The following IGF1R variants were observed in gnomAD, a reference collection of about 807,000 sequenced individuals.
IGF1R encodes insulin-like growth factor 1 receptor.
IGF1R carries 44 observed loss-of-function variants against 144.6 expected under a neutral mutation model. The observed-to-expected ratio is 0.30, with a 90% CI of 0.24 to 0.39. The LOEUF (loss-of-function observed/expected upper bound fraction) is 0.39, where lower values mean the gene tolerates loss of function less well. IGF1R is among the 10% of genes least tolerant of loss of function. IGF1R has a pLI of 1.00. For synonymous variants in IGF1R, 795 were observed against 722.8 expected, an observed-to-expected ratio of 1.10 and a Z score of -1.60; for missense variants, 1,355 against 1,833.7, an observed-to-expected ratio of 0.74 and a Z score of 4.77.
intron 1 of IGF1R, among the ~76,000 whole-genome samples, chr15:98,698,337 G>A (rs531958137): frequency 1.1e-4 from 17 of 152,252 alleles, no homozygotes; most frequent in African/African-American, 3.9e-4. Context: ...ACGCCCACCG[G>A]CCTCCCATCT....
At chr15:98,710,380 TCC>T (rs1308659991) in intron 2 of IGF1R, among the ~76,000 whole-genome samples, 20 of 152,316 alleles carry the variant, frequency 1.3e-4, no homozygotes, top group African/African-American at 4.8e-5. Flanking sequence ...AATCAGAACT[TCC>T]TCTTGGTTTG....
At chr15:98,699,816 C>T (rs2053682452) in intron 1 of IGF1R, among the ~76,000 whole-genome samples, 1 of 152,162 alleles carries the variant, frequency 6.6e-6, no homozygotes, top group Non-Finnish European at 1.5e-5. Context: ...GTGGGTGGCT[C>T]TGCGGCAGTA....
chr15:98,891,752 T>G lies in IGF1R; in HGVS notation c.953+115T>G. On this transcript the variant is annotated intron_variant, in intron 3 of 20. Coordinates refer to ENST00000650285, the MANE Select transcript of IGF1R (RefSeq NM_000875.5). The surrounding 1 kb of genome is among the most constrained non-coding windows in gnomAD (Gnocchi z 4.7). ...CGGGTGCAGCCCTCAGGAAGTTCACTGAGGTGGGTCATTTTGAGAGGGCTG... is the reference window on the plus strand; with the variant it reads ...CGGGTGCAGCCCTCAGGAAGTTCACGGAGGTGGGTCATTTTGAGAGGGCTG... 5 of 998,644 alleles carry G rather than the reference T, an allele frequency of 5.0e-6. No homozygotes were observed. Among genetic ancestry groups the G allele is most frequent in the Non-Finnish European group, 7.5e-6 (5 of 662,704 alleles). 61.9% of individuals were successfully genotyped at this position (998,644 alleles called of 1,614,324 possible). A position where few individuals can be genotyped will look rare whatever the true frequency, so the allele number is the denominator to read the frequency against.
intron 11 of IGF1R, 71 bp downstream of exon 11, chr15:98,922,502 C>T: frequency 6.4e-7 from 1 of 1,563,160 alleles, no homozygotes; most frequent in Non-Finnish European, 8.7e-7. Context: ...GTTTTATGGA[C>T]ACAGGGTCTG....
At chr15:98,933,884 G>A (rs981362898) in intron 15 of IGF1R, among the ~76,000 whole-genome samples, 3 of 152,148 alleles carry the variant, frequency 2.0e-5, no homozygotes, top group Admixed American at 2.0e-4. Context: ...CAGGGATCCA[G>A]CCATCAAAGC....
At position 98,708,146 on chromosome 15, in the gene IGF1R, C is replaced by T. The variant is rs770758819; in HGVS notation, c.640+39C>T. On this transcript the variant is annotated intron_variant, in intron 2 of 20. Transcript: ENST00000650285. ...TGACTGCTGCTTTCTCTCTGCCTCT[C>T]TCTCTCCTCTCCTCCTCCTTGACCT... The T allele has an allele frequency of 1.3e-6, 2 of 1,537,222 alleles. 1 individual carries two copies. Among genetic ancestry groups the T allele is most frequent in the South Asian group, 2.2e-5 (2 of 89,310 alleles).
intron 2 of IGF1R, among the ~76,000 whole-genome samples, chr15:98,871,669 GAGA>G (rs1165985144): frequency 1.9e-4 from 29 of 152,216 alleles, no homozygotes; most frequent in African/African-American, 6.8e-4. Context: ...CAGCAGCCAA[GAGA>G]AGAAGAGCTT....
chr15:98,818,087 A>C (rs902432752), intron 2 of IGF1R, among the ~76,000 whole-genome samples: 3 of 152,210 alleles, frequency 2.0e-5, no homozygotes, highest in Admixed American at 2.0e-4. Flanking sequence ...TAAGGACATT[A>C]ATCCAATTGT....
chr15:98,654,010 G>A (rs2052428892), intron 1 of IGF1R, among the ~76,000 whole-genome samples: 1 of 152,228 alleles, frequency 6.6e-6, no homozygotes, highest in African/African-American at 2.4e-5. Context: ...TGAACCTGCA[G>A]AGTCTTGCAT....
chr15:98,896,677 G>T, intron 3 of IGF1R, 80 bp from the exon 4 acceptor site: 2 of 1,397,568 alleles, frequency 1.4e-6, no homozygotes, highest in Non-Finnish European at 2.0e-6. Flanking sequence ...ACAATGAAAA[G>T]CATATCCTTA....
rs1448011313 is a variant in IGF1R, at chr15:98,649,226, G to A, written c.-356G>A. On this transcript the variant is annotated 5_prime_UTR_variant, in exon 1 of 21. Coordinates refer to ENST00000650285, the MANE Select transcript of IGF1R (RefSeq NM_000875.5). ...TGTTTTTCCTCGCCTAGGCAGATTT[G>A]GGCTTTGCCCCCTTTCTTTGCAGTT... The A allele has an allele frequency of 1.4e-5, 3 of 218,492 alleles. No individual in the cohort carries two copies. Among genetic ancestry groups the A allele is most frequent in the Admixed American group, 5.8e-5 (1 of 17,234 alleles). 13.5% of individuals were successfully genotyped at this position (218,492 alleles called of 1,614,324 possible).
In IGF1R at chr15:98,649,647, G is replaced by C; in HGVS notation, c.66G>C (p.Ala22=). 2 of 1,609,324 alleles carry C rather than the reference G, an allele frequency of 1.2e-6. No individual in the cohort carries two copies. The highest frequency in any genetic ancestry group is 1.7e-6 in the Non-Finnish European group (2 of 1,178,512). ...GGGGGCTCCTGTTTCTCTCCGCCGC[G>C]CTCTCGCTCTGGCCGACGAGTGGAG... ...SLWGLLFLSA[A]LSLWPTSGEI... Residue 22 remains alanine (A), a synonymous_variant, in exon 1 of 21, where the codon GCG becomes GCC. Transcript: ENST00000650285.
intron 2 of IGF1R, among the ~76,000 whole-genome samples, chr15:98,739,311 G>T (rs2054683434): frequency 6.6e-6 from 1 of 152,130 alleles, no homozygotes; most frequent in Non-Finnish European, 1.5e-5. Context: ...GAGAGAACCT[G>T]CTGCTGTCCC....
At chr15:98,837,100 T>C (rs2141519902) in intron 2 of IGF1R, among the ~76,000 whole-genome samples, 1 of 152,356 alleles carries the variant, frequency 6.6e-6, no homozygotes, top group Non-Finnish European at 1.5e-5. Context: ...TCTTTTCTTT[T>C]TTCTTTTTTT....
At chr15:98,717,404 G>T (rs938507516) in intron 2 of IGF1R, among the ~76,000 whole-genome samples, 1 of 152,082 alleles carries the variant, frequency 6.6e-6, no homozygotes, top group African/African-American at 2.4e-5. Context: ...GTCTTAAGCT[G>T]TGTTGACTAT....
chr15:98,799,177 T>C (rs2056310246), intron 2 of IGF1R, among the ~76,000 whole-genome samples: 1 of 152,182 alleles, frequency 6.6e-6, no homozygotes, highest in African/African-American at 2.4e-5. Context: ...AAATCTGTAT[T>C]CATTATATCT....
chr15:98,728,076 T>C (rs1002926940), intron 2 of IGF1R, among the ~76,000 whole-genome samples: 1 of 139,864 alleles, frequency 7.1e-6, no homozygotes, highest in Non-Finnish European at 1.5e-5. Flanking sequence ...AGAACAAAGC[T>C]TCCACAGCAT....
intron 2 of IGF1R, among the ~76,000 whole-genome samples, chr15:98,736,035 G>T (rs73475614): frequency 2.4e-4 from 36 of 152,300 alleles, no homozygotes; most frequent in African/African-American, 8.4e-4. Context: ...CCTGAGGGGG[G>T]ATTACAAGTA....
chr15:98,846,075 G>A (rs2011315761), intron 2 of IGF1R, among the ~76,000 whole-genome samples: 1 of 152,160 alleles, frequency 6.6e-6, no homozygotes, highest in South Asian at 2.1e-4. Flanking sequence ...TTTCTAGGGA[G>A]TCTCTGACAT....
Sources: allele counts gnomAD v4.1 joint callset (sites outside exome capture counted in the v4.1 genomes callset), GRCh38; gene constraint gnomAD v4.1.1; non-coding constraint Gnocchi (gnomAD v3.1); transcripts MANE v1.5; gene names NCBI Gene and HGNC (gene_info 2026-07-23, HGNC 2026-07-21).